The following GRAMD4 variants were observed in gnomAD, a reference collection of about 807,000 sequenced individuals.
The protein encoded by GRAMD4 is GRAM domain containing 4.
In GRAMD4, 25 loss-of-function variants were observed where a neutral mutation model predicts 83.9. The ratio of observed to expected loss-of-function variants is 0.30; its 90% CI spans 0.22 to 0.42. The LOEUF (loss-of-function observed/expected upper bound fraction) is 0.42. Among genes scored for constraint, GRAMD4 ranks in the 10% least tolerant of loss-of-function variants. GRAMD4 has a pLI of 1.00. For synonymous variants in GRAMD4, 336 were observed against 320.9 expected (o/e 1.05, Z -0.50); for missense variants, 593 against 788.7 (o/e 0.75, Z 2.97).
At chr22:46,644,500 T>TGTGTTACACCTGCCCCTGTTCC (rs1569284949) in intron 3 of GRAMD4, among the ~76,000 whole-genome samples, 9 of 140,888 alleles carry the variant, frequency 6.4e-5, no homozygotes, top group African/African-American at 2.1e-4. Context: ...GTCCCTGTTC[T>TGTGTTACACCTGCCCCTGTTCC]GTGTTACACC....
chr22:46,616,894 A>G (rs1345132037), upstream of GRAMD4, among the ~76,000 whole-genome samples: 19 of 13,514 alleles, frequency 1.4e-3, no homozygotes, highest in Admixed American at 2.9e-3. Context: ...CTGTGCGTGT[A>G]GTTTCCCCCG....
upstream of GRAMD4, among the ~76,000 whole-genome samples, chr22:46,617,702 C>T (rs1428798118): frequency 2.6e-5 from 4 of 152,140 alleles, no homozygotes; most frequent in Non-Finnish European, 5.9e-5. Flanking sequence ...TGGCAAGTGG[C>T]CCCAGAGCGG....
rs541712952 is a variant in GRAMD4 at position 46,676,677 on chromosome 22, C to T, written c.1632+9C>T. The T allele has an allele frequency of 3.2e-5, 49 of 1,547,614 alleles. 1 individual carries two copies. Among genetic ancestry groups the T allele is most frequent in the East Asian group, 2.9e-4 (12 of 40,924 alleles). On this transcript the variant is annotated intron_variant, in intron 18 of 18. Transcript: ENST00000406902. ...CGCCATCCACCCAGAAAGTAGGTGC[C>T]GGGCGGGGGGCCGCCAAGGGGTTGG...
At chr22:46,607,477 G>A (rs557976390) in intron 1 of GRAMD4, among the ~76,000 whole-genome samples, 174 of 152,256 alleles carry the variant, frequency 1.1e-3, no homozygotes, top group African/African-American at 3.8e-3. Context: ...AGTCAGGTGC[G>A]GCCAGGAGGC....
Position 46,678,253 on chromosome 22 carries a change from T to G in GRAMD4, c.*1002T>G. 1.0e-6 allele frequency: 1 copy of G among 985,398 alleles called. No homozygotes were observed. The highest frequency in any genetic ancestry group is 1.2e-6 in the Non-Finnish European group (1 of 829,936). 61.0% of individuals were successfully genotyped at this position (985,398 alleles called of 1,614,324 possible). A position where few individuals can be genotyped will look rare whatever the true frequency, so the allele number is the denominator to read the frequency against. On this transcript the variant is annotated 3_prime_UTR_variant, in exon 19 of 19. Coordinates refer to ENST00000406902, the MANE Select transcript of GRAMD4 (RefSeq NM_015124.5). ...CCAGGCTGCAGCCGCCTTTGGGCCA[T>G]CCGAGAGGCTCTGGCAGCCCCTGTG...
chr22:46,630,749 C>T (rs1483790019), intron 2 of GRAMD4, among the ~76,000 whole-genome samples: 2 of 152,232 alleles, frequency 1.3e-5, no homozygotes, highest in Admixed American at 6.5e-5. Flanking sequence ...TGGCTCTTAG[C>T]GTCCATCACT....
chr22:46,647,859 C>T (rs1036641914), intron 3 of GRAMD4, among the ~76,000 whole-genome samples: 16 of 152,238 alleles, frequency 1.1e-4, no homozygotes, highest in African/African-American at 3.6e-4. Context: ...TGGGCTCTCT[C>T]GTGGCACATG....
intron 3 of GRAMD4, among the ~76,000 whole-genome samples, chr22:46,639,953 G>A (rs1262298755): frequency 6.6e-6 from 1 of 152,128 alleles, no homozygotes; most frequent in Non-Finnish European, 1.5e-5. Context: ...TGCCGCCTGC[G>A]ACCTCACCAG....
chr22:46,670,788 T>C (rs1011463778), intron 13 of GRAMD4, among the ~76,000 whole-genome samples: 3 of 152,122 alleles, frequency 2.0e-5, no homozygotes, highest in Non-Finnish European at 4.4e-5. Flanking sequence ...GTATTTTTAA[T>C]AGAGACGAGG....
chr22:46,666,323 A>G (rs1386454469), intron 9 of GRAMD4, among the ~76,000 whole-genome samples: 1 of 152,202 alleles, frequency 6.6e-6, no homozygotes, highest in Non-Finnish European at 1.5e-5. Context: ...AGTGAACCTC[A>G]GCCTTGCACC....
intron 13 of GRAMD4, among the ~76,000 whole-genome samples, chr22:46,670,389 C>T (rs2082483813): frequency 6.6e-6 from 1 of 152,228 alleles, no homozygotes. Context: ...CTTACCCCGA[C>T]AATGCCCTGG....
At position 46,587,401 on chromosome 22, in the gene GRAMD4, G is replaced by A. The variant is rs6008924; in HGVS notation, c.-50+10111G>A. On this transcript the variant is annotated intron_variant, in intron 1 of 1. Transcript: ENST00000431155. ...GTCTGTTCCAAAAGCCCAGCCGTCC[G>A]GAGTGACACTGGGCCATCAGCTCTG... Among the ~76,000 whole-genome samples the A allele has an allele frequency of 3.9e-3, 595 of 152,202 alleles. 4 individuals are homozygous for A. Among genetic ancestry groups the A allele is most frequent in the African/African-American group, 0.014 (575 of 41,528 alleles).
upstream of GRAMD4, among the ~76,000 whole-genome samples, chr22:46,617,992 T>C (rs974368255): frequency 5.3e-5 from 8 of 152,188 alleles, no homozygotes; most frequent in Non-Finnish European, 7.4e-5. Flanking sequence ...GCAGAGTCCA[T>C]GGGTGTCCCT....
intron 8 of GRAMD4, 95 bp downstream of exon 8, chr22:46,664,212 C>A: frequency 3.5e-6 from 3 of 869,224 alleles, no homozygotes; most frequent in Non-Finnish European, 5.9e-6. Flanking sequence ...GGGAGGTGGC[C>A]CCCAGGTGGC....
intron 14 of GRAMD4, among the ~76,000 whole-genome samples, chr22:46,673,387 C>G (rs2082542941): frequency 6.6e-6 from 1 of 152,256 alleles, no homozygotes; most frequent in Non-Finnish European, 1.5e-5. Context: ...CACAGGCCCT[C>G]CAGATGTGCA....
chr22:46,659,868 CA>C lies in GRAMD4; in HGVS notation c.405-1512del, dbSNP rs772635194. 2.0e-5 allele frequency among the ~76,000 whole-genome samples: 3 copies of C among 152,252 alleles called. No individual in the cohort carries two copies. Among genetic ancestry groups the C allele is most frequent in the Non-Finnish European group, 4.4e-5 (3 of 68,042 alleles). ...ATGCTGAACCTTCTGGGAAAATCCA[CA>C]GAAGCTCAAAGCTTAAATTACATTT... On this transcript the variant is annotated intron_variant, in intron 4 of 18. Coordinates refer to ENST00000406902, the MANE Select transcript of GRAMD4 (RefSeq NM_015124.5). This position sits in a 1 kb window ranked among gnomAD's most constrained non-coding sequence, Gnocchi z 4.1.
chr22:46,580,078 C>T (rs2081082886), intron 1 of GRAMD4, among the ~76,000 whole-genome samples: 1 of 152,216 alleles, frequency 6.6e-6, no homozygotes, highest in Non-Finnish European at 1.5e-5. Context: ...GAGACTGTCT[C>T]TGCAGAAAGC....
intron 3 of GRAMD4, among the ~76,000 whole-genome samples, chr22:46,656,431 G>A (rs762203253): frequency 5.3e-5 from 8 of 152,194 alleles, no homozygotes; most frequent in Non-Finnish European, 1.0e-4. Context: ...GCTGCTCCCT[G>A]CCTGGGCACG....
chr22:46,651,815 G>A (rs2082170663), intron 3 of GRAMD4, among the ~76,000 whole-genome samples: 1 of 152,212 alleles, frequency 6.6e-6, no homozygotes, highest in African/African-American at 2.4e-5. Flanking sequence ...GGGGAATCCT[G>A]CTTCAGGTGC....
Sources: gnomAD v4.1 joint callset for allele counts (sites outside exome capture counted in the v4.1 genomes callset) on GRCh38, gnomAD v4.1.1 for gene constraint, Gnocchi (gnomAD v3.1) non-coding constraint, MANE v1.5 for transcripts, NCBI Gene and HGNC (gene_info 2026-07-23, HGNC 2026-07-21) for gene names.